Variants in VTI1A observed in about 807,000 individuals in gnomAD.
VTI1A encodes vesicle transport through interaction with t-SNAREs 1A.
VTI1A carries 22 observed loss-of-function variants against 34.9 expected under a neutral mutation model. The ratio of observed to expected loss-of-function variants is 0.63; its 90% confidence interval spans 0.45 to 0.90. The LOEUF is 0.90. VTI1A is among the 40% of genes least tolerant of loss of function. The pLI is 0.00. For missense variants in VTI1A, 268 were observed against 275.6 expected (o/e 0.97, Z 0.20); for synonymous variants, 87 against 97.3 (o/e 0.89, Z 0.62).
intron 5 of VTI1A, among the ~76,000 whole-genome samples, chr10:112,647,925 G>T (rs1159869015): frequency 1.3e-5 from 2 of 151,930 alleles, no homozygotes; most frequent in Non-Finnish European, 2.9e-5. Flanking sequence ...ACATGCCACC[G>T]CACCCAGCTA....
chr10:112,509,987 A>T (rs188916916), intron 3 of VTI1A, among the ~76,000 whole-genome samples: 111 of 152,332 alleles, frequency 7.3e-4, no homozygotes, highest in African/African-American at 2.2e-3. Context: ...AGGTCCCATT[A>T]TTATTGCATA....
intron 7 of VTI1A, among the ~76,000 whole-genome samples, chr10:112,749,907 A>C (rs964944180): frequency 1.3e-5 from 2 of 152,218 alleles, no homozygotes; most frequent in African/African-American, 4.8e-5. Flanking sequence ...ATAGCTGTTA[A>C]GTGAACCATG....
At chr10:112,724,023 T>C (rs950434822) in intron 7 of VTI1A, among the ~76,000 whole-genome samples, 1 of 152,220 alleles carries the variant, frequency 6.6e-6, no homozygotes. Context: ...GAAACTTTTT[T>C]CCCTTTTTCT....
the VTI1A span, among the ~76,000 whole-genome samples, chr10:112,841,294 G>A: frequency 1.3e-5 from 2 of 152,140 alleles, no homozygotes; most frequent in Admixed American, 1.3e-4. Flanking sequence ...CTATCACAAG[G>A]TGTGGGTCCC....
Position 112,818,285 on chromosome 10 carries a change from AAG to A in VTI1A, c.*2905_*2906del, listed in dbSNP as rs1433631834. 4.3e-6 allele frequency: 1 copy of A among 232,888 alleles called. No individual in the cohort carries two copies. Among genetic ancestry groups the A allele is most frequent in the Non-Finnish European group, 8.5e-6 (1 of 117,644 alleles). 14.4% of individuals were successfully genotyped at this position (232,888 alleles called of 1,614,324 possible). A position where few individuals can be genotyped will look rare whatever the true frequency, so the allele number is the denominator to read the frequency against. On this transcript the variant is annotated 3_prime_UTR_variant, in exon 8 of 8. Coordinates refer to ENST00000393077, the MANE Select transcript of VTI1A (RefSeq NM_145206.4). The stretch of plus-strand genomic sequence containing the variant: ...AGGGTTATCATTAAGTAAAGAAATA[AAG>A]AGGGGGAAAAAAGCCTGCCTGTTCC...
chr10:112,563,676 G>T (rs1851809210), intron 5 of VTI1A, among the ~76,000 whole-genome samples: 1 of 152,140 alleles, frequency 6.6e-6, no homozygotes, highest in Non-Finnish European at 1.5e-5. Context: ...GTCTCTAATG[G>T]TCTTAATTTA....
At chr10:112,663,339 C>T (rs1847531396) in intron 5 of VTI1A, among the ~76,000 whole-genome samples, 1 of 152,196 alleles carries the variant, frequency 6.6e-6, no homozygotes, top group African/African-American at 2.4e-5. Context: ...ACTGTTTGCT[C>T]CTACACAAAG....
At chr10:112,585,070 A>T (rs1844091685) in intron 5 of VTI1A, among the ~76,000 whole-genome samples, 1 of 152,192 alleles carries the variant, frequency 6.6e-6, no homozygotes, top group Non-Finnish European at 1.5e-5. Context: ...AGCTTCTTTA[A>T]TTGAGGGTGG....
At position 112,464,596 on chromosome 10, in the gene VTI1A, G is replaced by T. The variant is rs758991017; in HGVS notation, c.203G>T (p.Gly68Val). The T allele has an allele frequency of 6.2e-7, 1 of 1,613,002 alleles. No homozygotes were observed. The highest frequency in any genetic ancestry group is 1.7e-5 in the Admixed American group (1 of 60,022). Residue 68 changes from glycine (G) to valine (V), a missense_variant, in exon 3 of 8, where the codon GGG (glycine) becomes GTG (valine). Physicochemically the swap from Gly to Val is moderately radical, Grantham distance 109. Coordinates refer to ENST00000393077, the MANE Select transcript of VTI1A (RefSeq NM_145206.4). ...CGAGAGATACCACCCCAAAGTCGAG[G>T]GATGTACAGCAACAGAATGAGAAGC... ...EVREIPPQSR[G>V]MYSNRMRSYK... is the part of the protein sequence containing the mutation.
intron 5 of VTI1A, among the ~76,000 whole-genome samples, chr10:112,571,205 C>T (rs553857038): frequency 6.6e-6 from 1 of 152,320 alleles, no homozygotes; most frequent in South Asian, 2.1e-4. Flanking sequence ...CTTAGTTCCC[C>T]ATTTTACTTT....
intron 4 of VTI1A, among the ~76,000 whole-genome samples, chr10:112,533,068 G>A (rs549907015): frequency 2.0e-5 from 3 of 152,152 alleles, no homozygotes; most frequent in South Asian, 4.1e-4. Context: ...TGGAACCAAA[G>A]CATGAGCTAT....
intron 5 of VTI1A, among the ~76,000 whole-genome samples, chr10:112,617,826 A>G (rs1845563191): frequency 6.6e-6 from 1 of 152,196 alleles, no homozygotes; most frequent in South Asian, 2.1e-4. Flanking sequence ...TTACAACTAC[A>G]AAGTAGAAGA....
At chr10:112,522,418 T>C (rs1216834196) in intron 3 of VTI1A, among the ~76,000 whole-genome samples, 1 of 152,136 alleles carries the variant, frequency 6.6e-6, no homozygotes, top group Non-Finnish European at 1.5e-5. Flanking sequence ...TACTGCACTC[T>C]GTATCAATTA....
chr10:112,545,843 G>A (rs145566028), intron 5 of VTI1A, among the ~76,000 whole-genome samples: 11 of 152,000 alleles, frequency 7.2e-5, no homozygotes, highest in East Asian at 5.8e-4. Context: ...ACGCGTGCGC[G>A]TGTGTTTGTG....
At chr10:112,455,157 T>TCCCCCCTC (rs1378928944) in intron 1 of VTI1A, among the ~76,000 whole-genome samples, 2 of 29,364 alleles carry the variant, frequency 6.8e-5, no homozygotes, top group African/African-American at 1.4e-4. Context: ...TCCCTCCCCT[T>TCCCCCCTC]CCCTCCTCCC....
chr10:112,750,634 T>C (rs1590149999), intron 7 of VTI1A, among the ~76,000 whole-genome samples: 1 of 152,200 alleles, frequency 6.6e-6, no homozygotes, highest in Non-Finnish European at 1.5e-5. Context: ...AGGATACTCC[T>C]ACAGCCCAAA....
intron 5 of VTI1A, among the ~76,000 whole-genome samples, chr10:112,643,058 C>G (rs10885364): frequency 0.059 from 8,576 of 145,960 alleles, 479 homozygotes; most frequent in East Asian, 0.27. Flanking sequence ...AATCTAGGCT[C>G]ACTGCAACCT....
chr10:112,760,695 G>C (rs181084714), intron 7 of VTI1A, among the ~76,000 whole-genome samples: 8 of 152,102 alleles, frequency 5.3e-5, no homozygotes, highest in East Asian at 3.9e-4. Flanking sequence ...TCGAGACCAG[G>C]CTGGCCAACA....
intron 7 of VTI1A, among the ~76,000 whole-genome samples, chr10:112,741,431 GTC>G (rs1275054511): frequency 1.3e-5 from 2 of 152,166 alleles, no homozygotes; most frequent in Non-Finnish European, 2.9e-5. Context: ...ACTCCAGCCT[GTC>G]TCAAAAACTA....
Sources: gnomAD v4.1 joint callset for allele counts (sites outside exome capture counted in the v4.1 genomes callset) on GRCh38, gnomAD v4.1.1 for gene constraint, MANE v1.5 for transcripts, NCBI Gene and HGNC (gene_info 2026-07-23, HGNC 2026-07-21) for gene names.